The following CDH2 variants were observed in gnomAD, a reference collection of about 807,000 sequenced individuals.
CDH2 encodes cadherin-2.
Under a neutral mutation model 92.0 loss-of-function variants are expected in CDH2, and 17 were observed. The ratio of observed to expected loss-of-function variants is 0.18; its 90% CI spans 0.13 to 0.28. The LOEUF (loss-of-function observed/expected upper bound fraction) is 0.28. Among genes scored for constraint, CDH2 ranks in the 10% least tolerant of loss-of-function variants. CDH2 has a pLI of 1.00. For missense variants in CDH2, 862 were observed against 1,133.1 expected (o/e 0.76, Z 3.44); for synonymous variants, 419 against 415.9 (o/e 1.01, Z -0.09).
At chr18:28,054,036 CTG>C (rs1459623506) in intron 2 of CDH2, among the ~76,000 whole-genome samples, 1 of 152,130 alleles carries the variant, frequency 6.6e-6, no homozygotes, top group Non-Finnish European at 1.5e-5. Flanking sequence ...AAGGGTGAGT[CTG>C]TGCTGTGAGA....
At chr18:27,953,707 C>T (rs938274326) in intron 15 of CDH2, among the ~76,000 whole-genome samples, 2 of 152,078 alleles carry the variant, frequency 1.3e-5, no homozygotes, top group Non-Finnish European at 2.9e-5. Flanking sequence ...TGAGATGACA[C>T]CTTAGCTCTC....
chr18:27,976,029 G>A (rs2011817333), intron 14 of CDH2, among the ~76,000 whole-genome samples: 1 of 152,122 alleles, frequency 6.6e-6, no homozygotes, highest in Non-Finnish European at 1.5e-5. Context: ...GGGCAGGGCA[G>A]GCCATAGGTA....
At chr18:27,945,323 A>ATTTTTTTTTTTTTTTTTT (rs66537834) in intron 6 of CDH2, among the ~76,000 whole-genome samples, 13 of 66,462 alleles carry the variant, frequency 2.0e-4, no homozygotes, top group African/African-American at 5.3e-4. Flanking sequence ...AGGAAGGAAG[A>ATTTTTTTTTTTTTTTTTT]TTTTTTTTTT....
intron 2 of CDH2, among the ~76,000 whole-genome samples, chr18:28,017,071 T>C (rs371741746): frequency 2.0e-5 from 3 of 152,226 alleles, no homozygotes; most frequent in African/African-American, 4.8e-5. Context: ...CATTGCTCTG[T>C]TGTAGTTTTT....
chr18:27,935,772 A>G (rs141509224), intron 6 of CDH2, among the ~76,000 whole-genome samples: 9 of 152,324 alleles, frequency 5.9e-5, no homozygotes, highest in Non-Finnish European at 1.2e-4. Flanking sequence ...ATCAGTCTCT[A>G]TTGTTCAATG....
At chr18:28,154,098 G>A (rs544721244) in intron 1 of CDH2, among the ~76,000 whole-genome samples, 3 of 152,254 alleles carry the variant, frequency 2.0e-5, no homozygotes, top group South Asian at 2.1e-4. Context: ...TTCTCAAAAC[G>A]GCACAGCTAC....
chr18:28,132,844 T>A (rs2015794928), intron 2 of CDH2, among the ~76,000 whole-genome samples: 1 of 152,200 alleles, frequency 6.6e-6, no homozygotes, highest in Non-Finnish European at 1.5e-5. Context: ...ACTGCTTAAT[T>A]CTCCTGCATA....
chr18:28,153,814 A>G (rs913716529), intron 1 of CDH2, among the ~76,000 whole-genome samples: 2 of 152,164 alleles, frequency 1.3e-5, no homozygotes, highest in Non-Finnish European at 2.9e-5. Flanking sequence ...TGTCTTAGCT[A>G]TTTGTCATCA....
chr18:28,044,653 TGGAA>T (rs2014034048), intron 2 of CDH2, among the ~76,000 whole-genome samples: 2 of 152,132 alleles, frequency 1.3e-5, no homozygotes, highest in Non-Finnish European at 2.9e-5. Flanking sequence ...AAAATAATAA[TGGAA>T]AACACAGTGA....
chr18:28,126,211 T>C (rs1258358748), intron 2 of CDH2, among the ~76,000 whole-genome samples: 2 of 152,204 alleles, frequency 1.3e-5, no homozygotes, highest in African/African-American at 4.8e-5. Context: ...CTGTTCGCTA[T>C]ATATTATTAC....
intron 11 of CDH2, among the ~76,000 whole-genome samples, chr18:27,986,816 A>T (rs1249582525): frequency 6.6e-6 from 1 of 152,224 alleles, no homozygotes; most frequent in Non-Finnish European, 1.5e-5. Flanking sequence ...CATGACCACT[A>T]TGATACTCAA....
At chr18:28,152,943 G>T (rs2016148153) in intron 1 of CDH2, among the ~76,000 whole-genome samples, 1 of 152,234 alleles carries the variant, frequency 6.6e-6, no homozygotes, top group Admixed American at 6.5e-5. Flanking sequence ...GGGGAGGGAG[G>T]GAGGAAATGA....
intron 2 of CDH2, among the ~76,000 whole-genome samples, chr18:28,141,253 G>C (rs1428523990): frequency 6.6e-6 from 1 of 151,876 alleles, no homozygotes; most frequent in Non-Finnish European, 1.5e-5. Flanking sequence ...CAGTGCAAAA[G>C]AACAGGGTAA....
At chr18:28,056,159 T>C (rs189967537) in intron 2 of CDH2, among the ~76,000 whole-genome samples, 1 of 152,082 alleles carries the variant, frequency 6.6e-6, no homozygotes, top group East Asian at 1.9e-4. Flanking sequence ...ATAAGGCCAA[T>C]GATGAAAAGG....
At chr18:28,133,348 C>T (rs968233818) in intron 2 of CDH2, among the ~76,000 whole-genome samples, 5 of 151,956 alleles carry the variant, frequency 3.3e-5, no homozygotes, top group Admixed American at 1.3e-4. Context: ...CTCTGGGAGG[C>T]CGAGGCGGGT....
intron 2 of CDH2, among the ~76,000 whole-genome samples, chr18:28,127,542 T>C (rs1179087976): frequency 6.6e-6 from 1 of 152,218 alleles, no homozygotes; most frequent in Non-Finnish European, 1.5e-5. Context: ...TTTTATTTAA[T>C]GTTCCTAAAA....
chr18:28,056,371 C>T (rs1450614500), intron 2 of CDH2, among the ~76,000 whole-genome samples: 9 of 152,118 alleles, frequency 5.9e-5, no homozygotes, highest in Admixed American at 5.9e-4. Flanking sequence ...TATTTATTTG[C>T]TCTTAACAGG....
At chr18:28,070,342 A>G (rs2014592098) in intron 2 of CDH2, among the ~76,000 whole-genome samples, 2 of 152,168 alleles carry the variant, frequency 1.3e-5, no homozygotes, top group South Asian at 4.1e-4. Flanking sequence ...TTACAACCCT[A>G]TGAGATAGGT....
chr18:27,958,927 T>C (rs1033978398), intron 15 of CDH2, among the ~76,000 whole-genome samples: 2 of 152,190 alleles, frequency 1.3e-5, no homozygotes, highest in African/African-American at 4.8e-5. Context: ...TCTGGCAAGA[T>C]TGTAAGTTTC....
Sources: allele counts gnomAD v4.1 joint callset (sites outside exome capture counted in the v4.1 genomes callset), GRCh38; gene constraint gnomAD v4.1.1; transcripts MANE v1.5; gene names NCBI Gene and HGNC (gene_info 2026-07-23, HGNC 2026-07-21).